The following DSCAM variants were observed in gnomAD, a reference collection of about 807,000 sequenced individuals.
The protein encoded by DSCAM is cell adhesion molecule DSCAM.
In DSCAM, 47 loss-of-function variants were observed where a neutral mutation model predicts 217.7. That is an observed-to-expected ratio of 0.22 (90% CI 0.17 to 0.28). The LOEUF is 0.28. Ranked by LOEUF, DSCAM falls within the 10% of genes least tolerant of loss-of-function variation. The pLI is 1.00. For missense variants in DSCAM, 2,080 were observed against 2,618.3 expected, an observed-to-expected ratio of 0.79 and a Z score of 4.49; for synonymous variants, 1,056 against 1,015.3, an observed-to-expected ratio of 1.04 and a Z score of -0.76.
At chr21:40,430,585 A>G (rs749160297) in intron 3 of DSCAM, among the ~76,000 whole-genome samples, 1 of 152,162 alleles carries the variant, frequency 6.6e-6, no homozygotes. Context: ...GTGAGATCCT[A>G]TGATTGTGTA....
intron 3 of DSCAM, among the ~76,000 whole-genome samples, chr21:40,665,270 C>T (rs2090187446): frequency 6.6e-6 from 1 of 152,172 alleles, no homozygotes; most frequent in Admixed American, 6.5e-5. Context: ...CCTTCCTGAA[C>T]TACAACTTGA....
intron 10 of DSCAM, among the ~76,000 whole-genome samples, chr21:40,293,761 G>A (rs1041452840): frequency 6.6e-6 from 1 of 152,068 alleles, no homozygotes; most frequent in Admixed American, 6.6e-5. Flanking sequence ...GGAGGCGGAG[G>A]TTGCAGTGAG....
rs2089907261 is a variant in DSCAM at position 40,112,147 on chromosome 21, AT to A, written c.3696+12047del. Among the ~76,000 whole-genome samples the A allele has an allele frequency of 2.7e-5, 4 of 148,012 alleles. No homozygotes were observed. In the South Asian group the frequency reaches 8.6e-4, roughly 32 times the overall value. On this transcript the variant is annotated intron_variant, in intron 20 of 32. Coordinates refer to ENST00000400454, the MANE Select transcript of DSCAM (RefSeq NM_001389.5). ...AGCACCACACCACACGTATTCCAAAATTGACCACATACTTGGAAGTAAAGCT... is the reference window on the plus strand; with the variant it reads ...AGCACCACACCACACGTATTCCAAAATGACCACATACTTGGAAGTAAAGCT...
At chr21:40,129,092 C>T (rs1601359843) in intron 19 of DSCAM, among the ~76,000 whole-genome samples, 1 of 152,258 alleles carries the variant, frequency 6.6e-6, no homozygotes, top group East Asian at 1.9e-4. Context: ...CATCATTTTT[C>T]TGGTCTTAGT....
intron 3 of DSCAM, among the ~76,000 whole-genome samples, chr21:40,580,190 T>G (rs2076893259): frequency 1.3e-5 from 2 of 151,512 alleles, no homozygotes; most frequent in Admixed American, 6.6e-5. Flanking sequence ...CAAGCCATTC[T>G]CCTGCCTCAG....
intron 20 of DSCAM, among the ~76,000 whole-genome samples, chr21:40,113,283 A>T (rs1178731635): frequency 2.0e-5 from 3 of 152,198 alleles, no homozygotes; most frequent in Non-Finnish European, 4.4e-5. Flanking sequence ...AACGTAATCC[A>T]GCATATAAAC....
At chr21:40,378,277 C>T (rs16999716) in intron 3 of DSCAM, among the ~76,000 whole-genome samples, 1 of 152,100 alleles carries the variant, frequency 6.6e-6, no homozygotes, top group African/African-American at 2.4e-5. Flanking sequence ...ATGAGAGATT[C>T]TTTTCATACA....
At chr21:40,388,958 G>C (rs1202640047) in intron 3 of DSCAM, among the ~76,000 whole-genome samples, 3 of 152,116 alleles carry the variant, frequency 2.0e-5, no homozygotes, top group Non-Finnish European at 2.9e-5. Flanking sequence ...GTAGTGTACA[G>C]TGTAACTACC....
intron 3 of DSCAM, among the ~76,000 whole-genome samples, chr21:40,440,417 T>A: frequency 8.0e-6 from 1 of 125,176 alleles, no homozygotes. Context: ...TGAACAGCAC[T>A]TACAGACACG....
At chr21:40,690,148 A>G (rs904792071) in intron 3 of DSCAM, among the ~76,000 whole-genome samples, 1 of 152,188 alleles carries the variant, frequency 6.6e-6, no homozygotes, top group Non-Finnish European at 1.5e-5. Context: ...AAGATCTCCA[A>G]TGTTTTAAAC....
chr21:40,679,912 C>T (rs7281585), intron 3 of DSCAM, among the ~76,000 whole-genome samples: 63,079 of 151,874 alleles, frequency 0.42, 13,923 homozygotes, highest in East Asian at 0.58. Context: ...TACTTCCTAA[C>T]AAGCCTCACA....
At chr21:40,763,308 C>T (rs2091355257) in intron 1 of DSCAM, among the ~76,000 whole-genome samples, 2 of 152,200 alleles carry the variant, frequency 1.3e-5, no homozygotes, top group South Asian at 4.1e-4. Context: ...AATAGACAAG[C>T]AGAGAACTAA....
At chr21:40,255,555 G>T (rs957656870) in intron 11 of DSCAM, among the ~76,000 whole-genome samples, 2 of 152,204 alleles carry the variant, frequency 1.3e-5, no homozygotes, top group African/African-American at 4.8e-5. Flanking sequence ...ATAGGGAGAA[G>T]ATCCTAAATT....
intron 12 of DSCAM, 50 bp downstream of exon 12, chr21:40,188,992 A>C (rs1194183569): frequency 1.9e-6 from 3 of 1,570,940 alleles, no homozygotes; most frequent in Non-Finnish European, 2.6e-6. Context: ...GGAAAGACTT[A>C]TTCTTCCAAT....
At chr21:40,282,960 A>T (rs980129843) in intron 10 of DSCAM, among the ~76,000 whole-genome samples, 1 of 152,222 alleles carries the variant, frequency 6.6e-6, no homozygotes, top group Non-Finnish European at 1.5e-5. Context: ...TTAAGAAAAC[A>T]TTAAATCTTT....
intron 15 of DSCAM, among the ~76,000 whole-genome samples, chr21:40,173,248 C>A (rs1026238247): frequency 6.6e-6 from 1 of 152,088 alleles, no homozygotes; most frequent in Non-Finnish European, 1.5e-5. Flanking sequence ...GCAGGGGACC[C>A]AGTGGAGTGG....
chr21:40,585,127 G>A (rs1447121215), intron 3 of DSCAM, among the ~76,000 whole-genome samples: 2 of 151,204 alleles, frequency 1.3e-5, no homozygotes, highest in African/African-American at 4.9e-5. Flanking sequence ...CCAAGCAGAT[G>A]CTGGGGCAAT....
chr21:40,170,142 A>G (rs1203251195), intron 15 of DSCAM, among the ~76,000 whole-genome samples: 4 of 151,920 alleles, frequency 2.6e-5, no homozygotes, highest in Admixed American at 2.6e-4. Context: ...AACACACGGG[A>G]CCCCTGGGTA....
At chr21:40,343,677 ATG>A (rs1214051165) in intron 6 of DSCAM, among the ~76,000 whole-genome samples, 1 of 152,030 alleles carries the variant, frequency 6.6e-6, no homozygotes, top group African/African-American at 2.4e-5. Flanking sequence ...ATGTATATCA[ATG>A]TGTGTGTATA....
Sources: allele counts gnomAD v4.1 joint callset (sites outside exome capture counted in the v4.1 genomes callset), GRCh38; gene constraint gnomAD v4.1.1; transcripts MANE v1.5; gene names NCBI Gene and HGNC (gene_info 2026-07-23, HGNC 2026-07-21).